The following PKD2 variants were observed in gnomAD, a reference collection of about 807,000 sequenced individuals.
PKD2 encodes the protein polycystin-2.
PKD2 carries 48 observed loss-of-function variants against 105.9 expected under a neutral mutation model. The ratio of observed to expected loss-of-function variants is 0.45; its 90% confidence interval spans 0.36 to 0.58. The LOEUF is 0.58. Ranked by LOEUF, PKD2 falls within the 20% of genes least tolerant of loss-of-function variation. PKD2 has a pLI of 0.00. For synonymous variants in PKD2, 464 were observed against 481.1 expected (o/e 0.96, Z 0.46); for missense variants, 1,078 against 1,255.3 (o/e 0.86, Z 2.13).
chr4:88,008,551 C>T (rs1297882267), intron 1 of PKD2, among the ~76,000 whole-genome samples: 1 of 152,136 alleles, frequency 6.6e-6, no homozygotes, highest in Non-Finnish European at 1.5e-5. Context: ...TTGGATACCT[C>T]CTTCTTCAGG....
At chr4:88,056,645 GA>G (rs1412476739) in intron 8 of PKD2, among the ~76,000 whole-genome samples, 3 of 151,612 alleles carry the variant, frequency 2.0e-5, no homozygotes, top group African/African-American at 4.8e-5. Flanking sequence ...ATTTTCTAAG[GA>G]AAAAAACAAG....
intron 2 of PKD2, among the ~76,000 whole-genome samples, chr4:88,023,279 A>G (rs1363169258): frequency 6.6e-6 from 1 of 152,134 alleles, no homozygotes; most frequent in Non-Finnish European, 1.5e-5. Flanking sequence ...TCATGTGGCA[A>G]AAGCAGGAGC....
In PKD2 at chr4:88,075,829, C is replaced by G; in HGVS notation, c.*135C>G. The G allele has an allele frequency of 1.3e-6, 1 of 746,952 alleles. No individual in the cohort carries two copies. Among genetic ancestry groups the G allele is most frequent in the Admixed American group, 1.9e-5 (1 of 52,100 alleles). The allele number at this position is 746,952 out of a possible 1,614,324, so 46.3% of individuals were successfully genotyped here. On this transcript the variant is annotated 3_prime_UTR_variant, in exon 15 of 15. Transcript: ENST00000237596. ...TGTGACCGATTGCTAATCTTCTGCA[C>G]TTTAATTTATTTTATATAAACTTTA...
intron 1 of PKD2, among the ~76,000 whole-genome samples, chr4:88,010,822 A>G (rs1382371960): frequency 6.6e-6 from 1 of 152,262 alleles, no homozygotes; most frequent in East Asian, 1.9e-4. Flanking sequence ...CTCCTTCTAC[A>G]GTAAATAGAT....
intron 7 of PKD2, 79 bp downstream of exon 7, chr4:88,052,237 C>T: frequency 1.1e-6 from 1 of 926,734 alleles, no homozygotes; most frequent in Non-Finnish European, 1.7e-6. Context: ...TCATGGAATA[C>T]TTGAATTTGA....
At chr4:88,068,575 C>T (rs1476102728) in intron 13 of PKD2, among the ~76,000 whole-genome samples, 2 of 152,062 alleles carry the variant, frequency 1.3e-5, no homozygotes, top group Non-Finnish European at 2.9e-5. Context: ...TCACATATTT[C>T]TACCAATGAA....
intron 2 of PKD2, among the ~76,000 whole-genome samples, chr4:88,023,437 C>T (rs1726837282): frequency 6.6e-6 from 1 of 152,196 alleles, no homozygotes; most frequent in South Asian, 2.1e-4. Context: ...CACCTCGTAC[C>T]AGGCCCCGCC....
At chr4:88,057,072 C>T (rs950384107) in intron 8 of PKD2, among the ~76,000 whole-genome samples, 10 of 152,060 alleles carry the variant, frequency 6.6e-5, no homozygotes, top group Admixed American at 5.9e-4. Flanking sequence ...TCACTGCAGC[C>T]TTGAACTCCT....
chr4:88,071,271 A>G (rs1560630569), intron 13 of PKD2, among the ~76,000 whole-genome samples: 1 of 151,884 alleles, frequency 6.6e-6, no homozygotes, highest in Non-Finnish European at 1.5e-5. Context: ...GCTGGTCTCA[A>G]ACTCCTGGGC....
At chr4:88,048,672 A>T (rs781154749) in intron 6 of PKD2, among the ~76,000 whole-genome samples, 2 of 152,170 alleles carry the variant, frequency 1.3e-5, no homozygotes, top group Non-Finnish European at 2.9e-5. Context: ...CCTGTAGAAT[A>T]GATGGTGTTG....
intron 2 of PKD2, among the ~76,000 whole-genome samples, chr4:88,031,955 A>G (rs959331415): frequency 2.0e-5 from 3 of 151,968 alleles, no homozygotes; most frequent in African/African-American, 7.3e-5. Context: ...ACCACTTAAA[A>G]CCTTTTAAAA....
At chr4:88,058,523 G>A (rs1437000516) in intron 9 of PKD2, among the ~76,000 whole-genome samples, 1 of 152,084 alleles carries the variant, frequency 6.6e-6, no homozygotes, top group Non-Finnish European at 1.5e-5. Context: ...TCACTTGCTA[G>A]CATGACTTTT....
chr4:88,030,775 G>A (rs1255939132), intron 2 of PKD2, among the ~76,000 whole-genome samples: 1 of 152,216 alleles, frequency 6.6e-6, no homozygotes, highest in African/African-American at 2.4e-5. Context: ...GCAGGGATGG[G>A]ATGCAGCTGT....
intron 2 of PKD2, among the ~76,000 whole-genome samples, chr4:88,022,738 A>G (rs996398119): frequency 6.6e-6 from 1 of 152,208 alleles, no homozygotes; most frequent in Non-Finnish European, 1.5e-5. Context: ...TGGCTTAAGT[A>G]TTAGGCTGTT....
intron 10 of PKD2, among the ~76,000 whole-genome samples, chr4:88,063,388 G>A (rs971178903): frequency 5.3e-5 from 8 of 152,128 alleles, no homozygotes; most frequent in Non-Finnish European, 8.8e-5. Flanking sequence ...AAAATTAGCT[G>A]AGTGTGGCGA....
chr4:88,029,411 A>G (rs1377983994), intron 2 of PKD2, among the ~76,000 whole-genome samples: 1 of 152,102 alleles, frequency 6.6e-6, no homozygotes, highest in Admixed American at 6.5e-5. Flanking sequence ...CTGGACATCT[A>G]CAATGGGATC....
chr4:88,034,207 G>A (rs1339083775), intron 2 of PKD2, among the ~76,000 whole-genome samples: 1 of 152,054 alleles, frequency 6.6e-6, no homozygotes, highest in African/African-American at 2.4e-5. Flanking sequence ...CCAAACCAGG[G>A]GGCCTGGAAA....
chr4:88,064,616 G>A (rs1720716752), intron 10 of PKD2, among the ~76,000 whole-genome samples: 1 of 152,142 alleles, frequency 6.6e-6, no homozygotes, highest in East Asian at 1.9e-4. Flanking sequence ...TCCTCGGCCA[G>A]GGGCAGTGGC....
At chr4:88,071,096 C>T (rs1721018339) in intron 13 of PKD2, among the ~76,000 whole-genome samples, 2 of 151,806 alleles carry the variant, frequency 1.3e-5, no homozygotes, top group Non-Finnish European at 2.9e-5. Context: ...CTCTCTGTCA[C>T]CCAGGCTAGA....
Sources: allele counts gnomAD v4.1 joint callset (sites outside exome capture counted in the v4.1 genomes callset), GRCh38; gene constraint gnomAD v4.1.1; transcripts MANE v1.5; gene names NCBI Gene and HGNC (gene_info 2026-07-23, HGNC 2026-07-21).